Variants in IQCM observed in about 807,000 individuals in gnomAD.
The protein encoded by IQCM is IQ domain-containing protein M.
A neutral mutation model predicts 57.6 loss-of-function variants in IQCM; 45 were observed. The observed-to-expected ratio is 0.78, with a 90% CI of 0.62 to 1.00. The LOEUF is 1.00. Ranked by LOEUF, IQCM falls within the 50% of genes least tolerant of loss-of-function variation. IQCM has a pLI of 0.00. For missense variants in IQCM, 468 were observed against 511.6 expected, an observed-to-expected ratio of 0.91 and a Z score of 0.82; for synonymous variants, 148 against 158.9, an observed-to-expected ratio of 0.93 and a Z score of 0.51.
intron 12 of IQCM, among the ~76,000 whole-genome samples, chr4:149,474,717 A>AAAAT (rs1308485559): frequency 1.3e-5 from 2 of 151,748 alleles, no homozygotes; most frequent in Non-Finnish European, 2.9e-5. Context: ...AACTGTCTCA[A>AAAAT]AAATAAATAA....
At chr4:149,548,116 A>C (rs750729778) in intron 12 of IQCM, among the ~76,000 whole-genome samples, 1 of 152,196 alleles carries the variant, frequency 6.6e-6, no homozygotes, top group Admixed American at 6.5e-5. Flanking sequence ...TAGCATCAGT[A>C]TTTAAAATAT....
intron 13 of IQCM, among the ~76,000 whole-genome samples, chr4:149,404,937 A>C: frequency 6.6e-6 from 1 of 152,214 alleles, no homozygotes; most frequent in East Asian, 1.9e-4. Context: ...TAGCAAGCAT[A>C]ATTTTAAAGA....
At chr4:149,381,835 C>T (rs1252347657) in intron 13 of IQCM, among the ~76,000 whole-genome samples, 1 of 152,000 alleles carries the variant, frequency 6.6e-6, no homozygotes, top group African/African-American at 2.4e-5. Flanking sequence ...AGGGCAATAG[C>T]ACAGTCTTGG....
intron 7 of IQCM, among the ~76,000 whole-genome samples, chr4:149,633,196 A>C (rs1015403582): frequency 6.0e-5 from 9 of 150,486 alleles, no homozygotes; most frequent in African/African-American, 1.7e-4. Context: ...AAAAAAAGCA[A>C]ATATCACACA....
intron 12 of IQCM, among the ~76,000 whole-genome samples, chr4:149,461,654 C>T (rs1340511363): frequency 1.6e-5 from 1 of 64,304 alleles, no homozygotes; most frequent in South Asian, 5.1e-4. Context: ...ACCCAGTCTC[C>T]AAAAAAAAAA....
intron 11 of IQCM, among the ~76,000 whole-genome samples, chr4:149,551,974 C>T (rs1283504875): frequency 1.3e-5 from 2 of 152,078 alleles, no homozygotes; most frequent in East Asian, 1.9e-4. Context: ...TCTCTAGAAA[C>T]CAGGCTGTTG....
chr4:149,582,993 AT>A (rs1752348836), intron 9 of IQCM, among the ~76,000 whole-genome samples: 1 of 151,662 alleles, frequency 6.6e-6, no homozygotes, highest in African/African-American at 2.4e-5. Flanking sequence ...ACCTACATAA[AT>A]ATCTGGACTC....
At chr4:149,722,883 T>C (rs931424374) in intron 5 of IQCM, among the ~76,000 whole-genome samples, 6 of 152,014 alleles carry the variant, frequency 3.9e-5, no homozygotes, top group African/African-American at 4.8e-5. Context: ...TTGTTTTGAG[T>C]AGTATGGTCA....
At chr4:149,692,977 A>G (rs1338231899) in intron 5 of IQCM, among the ~76,000 whole-genome samples, 1 of 152,178 alleles carries the variant, frequency 6.6e-6, no homozygotes, top group African/African-American at 2.4e-5. Flanking sequence ...TAAGGCATTA[A>G]AACTGCCAAC....
rs181967760 is a variant in IQCM at position 149,482,448 on chromosome 4, G to A, written c.1229-48891C>T. ...AATGGCTTTTATTATGTTGAGGTAT[G>A]CTCCTTCTGTACCCAATTATTGGAG... is the stretch of plus-strand genomic sequence containing the variant. On this transcript the variant is annotated intron_variant, in intron 12 of 13. Transcript: ENST00000636793. Among the ~76,000 whole-genome samples the A allele has an allele frequency of 1.5e-4, 23 of 152,032 alleles. 1 individual carries two copies. Among genetic ancestry groups the A allele is most frequent in the African/African-American group, 5.1e-4 (21 of 41,538 alleles).
intron 2 of IQCM, among the ~76,000 whole-genome samples, chr4:149,744,089 C>T (rs1362054379): frequency 1.3e-5 from 2 of 152,190 alleles, no homozygotes; most frequent in Non-Finnish European, 2.9e-5. Context: ...CCTGTAGCCT[C>T]ATGCTCTTAG....
intron 8 of IQCM, among the ~76,000 whole-genome samples, chr4:149,591,648 T>G (rs1753188833): frequency 6.6e-6 from 1 of 151,748 alleles, no homozygotes; most frequent in South Asian, 2.1e-4. Flanking sequence ...TTCCCCACCC[T>G]GTGTCCAAGT....
intron 12 of IQCM, among the ~76,000 whole-genome samples, chr4:149,468,428 A>G (rs1739111572): frequency 6.6e-6 from 1 of 152,114 alleles, no homozygotes; most frequent in South Asian, 2.1e-4. Context: ...AGGCTGGGGG[A>G]GGGGCGTCCG....
At chr4:149,591,155 A>G (rs1356337176) in intron 8 of IQCM, among the ~76,000 whole-genome samples, 2 of 152,024 alleles carry the variant, frequency 1.3e-5, no homozygotes, top group East Asian at 3.9e-4. Flanking sequence ...ACTGGTACCA[A>G]GCTTCTGATA....
At chr4:149,605,811 G>T (rs908378323) in intron 8 of IQCM, among the ~76,000 whole-genome samples, 1 of 95,958 alleles carries the variant, frequency 1.0e-5, no homozygotes, top group African/African-American at 2.8e-5. Flanking sequence ...CTGAGTCACT[G>T]AGTCAGTGAA....
intron 8 of IQCM, among the ~76,000 whole-genome samples, chr4:149,597,450 G>A (rs1380152423): frequency 6.6e-6 from 1 of 152,142 alleles, no homozygotes; most frequent in Non-Finnish European, 1.5e-5. Context: ...GAGTGCATTG[G>A]TATGATCTCA....
chr4:149,583,470 G>C (rs978385189), intron 9 of IQCM, among the ~76,000 whole-genome samples: 1 of 151,336 alleles, frequency 6.6e-6, no homozygotes, highest in Non-Finnish European at 1.5e-5. Flanking sequence ...TTCTATACCT[G>C]GAAATCAGTC....
At chr4:149,726,135 G>GAAAGAAAGAAAGAAAGAAAGAAAGA (rs1436869061) in intron 5 of IQCM, among the ~76,000 whole-genome samples, 1 of 145,778 alleles carries the variant, frequency 6.9e-6, no homozygotes, top group African/African-American at 2.6e-5. Flanking sequence ...AAGAAAGAAA[G>GAAAGAAAGAAAGAAAGAAAGAAAGA]AAAGAAAAGA....
chr4:149,774,788 T>C (rs1336362989), intron 2 of IQCM, among the ~76,000 whole-genome samples: 3 of 145,132 alleles, frequency 2.1e-5, no homozygotes, highest in Non-Finnish European at 4.6e-5. Flanking sequence ...AAAAAAAAAA[T>C]CAGGAAGATG....
Sources: allele counts gnomAD v4.1 joint callset (sites outside exome capture counted in the v4.1 genomes callset), GRCh38; gene constraint gnomAD v4.1.1; transcripts MANE v1.5; gene names NCBI Gene and HGNC (gene_info 2026-07-23, HGNC 2026-07-21).